Variants in MIPOL1 observed in about 807,000 individuals in gnomAD.
MIPOL1 encodes mirror-image polydactyly gene 1 protein.
In MIPOL1, 57 loss-of-function variants were observed where a neutral mutation model predicts 60.9. That is an observed-to-expected ratio of 0.94 (90% CI 0.76 to 1.17). The LOEUF (loss-of-function observed/expected upper bound fraction) is 1.17, where lower values mean the gene tolerates loss of function less well. MIPOL1 is among the 50% of genes most tolerant of loss of function. The probability of loss-of-function intolerance (pLI) is 0.00; values close to 1 mark genes in which losing one functional copy is unlikely to be tolerated. For missense variants in MIPOL1, 551 were observed against 511.6 expected, an observed-to-expected ratio of 1.08 and a Z score of -0.74; for synonymous variants, 179 against 168.8, an observed-to-expected ratio of 1.06 and a Z score of -0.47.
In MIPOL1 at chr14:37,405,791, T is replaced by C. The variant is rs528415067; in HGVS notation, c.937-17064T>C. On this transcript the variant is annotated intron_variant, in intron 10 of 12. Coordinates refer to ENST00000684589, the MANE Select transcript of MIPOL1 (RefSeq NM_001388067.1). The stretch of plus-strand genomic sequence containing the variant: ...ATGTGTTTCTGCAGTTATAATTCTT[T>C]GCTAGATATGAATTAATGTGTACAT... Among the ~76,000 whole-genome samples the C allele has an allele frequency of 2.0e-5, 3 of 152,076 alleles. No homozygotes were observed. The East Asian group carries it at 5.8e-4, about 29-fold the overall frequency.
chr14:37,513,669 A>G (rs554189785), intron 12 of MIPOL1, among the ~76,000 whole-genome samples: 2 of 152,270 alleles, frequency 1.3e-5, no homozygotes, highest in East Asian at 3.9e-4. Context: ...AATAAGATAG[A>G]TCCTTTTTGT....
At chr14:37,396,445 A>G (rs553944642) in intron 10 of MIPOL1, among the ~76,000 whole-genome samples, 8 of 152,172 alleles carry the variant, frequency 5.3e-5, no homozygotes, top group Middle Eastern at 3.4e-3. Flanking sequence ...CCTGATGACA[A>G]TGCGCCTAGG....
intron 4 of MIPOL1, among the ~76,000 whole-genome samples, chr14:37,267,685 T>C (rs1489335183): frequency 6.6e-6 from 1 of 152,144 alleles, no homozygotes; most frequent in Non-Finnish European, 1.5e-5. Context: ...AAGCACAAAG[T>C]GCATCTGAAG....
chr14:37,521,364 T>A (rs2095412012), intron 12 of MIPOL1, among the ~76,000 whole-genome samples: 1 of 152,232 alleles, frequency 6.6e-6, no homozygotes, highest in African/African-American at 2.4e-5. Context: ...TTATTCTAAT[T>A]TGTTCTCTCT....
At chr14:37,230,257 TA>T (rs1970416748) in intron 1 of MIPOL1, among the ~76,000 whole-genome samples, 2 of 152,234 alleles carry the variant, frequency 1.3e-5, no homozygotes, top group African/African-American at 4.8e-5. Context: ...AAACCTGCTC[TA>T]ACAGGACTAA....
At chr14:37,390,416 CAAG>C (rs1210112310) in intron 10 of MIPOL1, among the ~76,000 whole-genome samples, 1 of 151,722 alleles carries the variant, frequency 6.6e-6, no homozygotes, top group Non-Finnish European at 1.5e-5. Context: ...ACTAGATACA[CAAG>C]AAGATAAGAC....
intron 11 of MIPOL1, among the ~76,000 whole-genome samples, chr14:37,442,629 A>C (rs1259975204): frequency 1.3e-5 from 2 of 151,810 alleles, no homozygotes; most frequent in Non-Finnish European, 2.9e-5. Flanking sequence ...TGTACCCCCG[A>C]ATCTAAAATA....
chr14:37,495,947 T>C (rs1448715987), intron 11 of MIPOL1, among the ~76,000 whole-genome samples: 1 of 147,334 alleles, frequency 6.8e-6, no homozygotes, highest in African/African-American at 2.5e-5. Context: ...TGTCTGTTCA[T>C]GTCCTTCGCC....
rs111790776 is a variant in MIPOL1 at position 37,422,239 on chromosome 14, G to A, written c.937-616G>A. On this transcript the variant is annotated intron_variant, in intron 10 of 12. Transcript: ENST00000684589. The stretch of plus-strand genomic sequence containing the variant: ...AATTATAGCAGGAAGGAACAATAAT[G>A]CCCCTTTAATAAAGTATCACTAGCA... Among the ~76,000 whole-genome samples, 323 of 151,950 alleles carry A rather than the reference G, an allele frequency of 2.1e-3. 1 individual carries two copies. Among genetic ancestry groups the A allele is most frequent in the African/African-American group, 7.3e-3 (301 of 41,496 alleles).
chr14:37,503,184 C>T (rs754387798), intron 12 of MIPOL1: 6 of 152,194 alleles, frequency 3.9e-5, no homozygotes, highest in Non-Finnish European at 8.8e-5. Flanking sequence ...AGTTGGAGAA[C>T]ACTCTTCAGG....
At chr14:37,297,319 C>G (rs183795223) in intron 7 of MIPOL1, among the ~76,000 whole-genome samples, 74 of 152,228 alleles carry the variant, frequency 4.9e-4, no homozygotes, top group African/African-American at 1.6e-3. Context: ...ATAATAAGAG[C>G]TATGTATGAC....
intron 9 of MIPOL1, among the ~76,000 whole-genome samples, chr14:37,366,121 T>C (rs1012484134): frequency 9.2e-5 from 14 of 151,934 alleles, no homozygotes; most frequent in African/African-American, 3.4e-4. Flanking sequence ...GCTTTTGTTA[T>C]ATTGATCTCT....
chr14:37,450,258 T>G (rs2094398371), intron 11 of MIPOL1, among the ~76,000 whole-genome samples: 1 of 152,174 alleles, frequency 6.6e-6, no homozygotes, highest in South Asian at 2.1e-4. Context: ...GCTCTCCAGT[T>G]TGCTGCACAG....
chr14:37,426,572 T>TATATATATAC lies in MIPOL1; in HGVS notation c.1031+3632_1031+3633insCATATATATA, dbSNP rs1555339863. On this transcript the variant is annotated intron_variant, in intron 11 of 12. Coordinates refer to ENST00000684589, the MANE Select transcript of MIPOL1 (RefSeq NM_001388067.1). ...GTGAAACTCTGTCTCAAAATATACA[T>TATATATATAC]ATATATATATATATATATATATACA... Among the ~76,000 whole-genome samples, 3 of 73,836 alleles carry TATATATATAC rather than the reference T, an allele frequency of 4.1e-5. No homozygotes were observed. In the Admixed American group the frequency reaches 4.4e-4, roughly 11 times the overall value. The allele number at this position is 73,836 out of a possible 152,430, so 48.4% of individuals were successfully genotyped here.
chr14:37,551,941 A>G (rs924182440), downstream of MIPOL1: 69 of 151,226 alleles, frequency 4.6e-4, no homozygotes, highest in African/African-American at 1.6e-3. Context: ...AATCTACCAT[A>G]AAGCACCTCT....
intron 9 of MIPOL1, among the ~76,000 whole-genome samples, chr14:37,348,144 C>G (rs1472333940): frequency 2.0e-5 from 3 of 152,140 alleles, no homozygotes; most frequent in Non-Finnish European, 4.4e-5. Flanking sequence ...TAGCCCCCTA[C>G]TGATAAGTGA....
chr14:37,511,657 G>A (rs2095328698), intron 12 of MIPOL1, among the ~76,000 whole-genome samples: 1 of 152,068 alleles, frequency 6.6e-6, no homozygotes, highest in African/African-American at 2.4e-5. Context: ...AGTTCCAAAG[G>A]ACTTTTAAAA....
At chr14:37,384,617 A>G (rs1470653838) in intron 10 of MIPOL1, among the ~76,000 whole-genome samples, 1 of 151,968 alleles carries the variant, frequency 6.6e-6, no homozygotes, top group Non-Finnish European at 1.5e-5. Flanking sequence ...TGAGGGTAGG[A>G]CTAAACCTCT....
intron 1 of MIPOL1, among the ~76,000 whole-genome samples, chr14:37,199,422 T>C (rs534696363): frequency 6.6e-6 from 1 of 152,242 alleles, no homozygotes; most frequent in Non-Finnish European, 1.5e-5. Context: ...TAGCAGTTTG[T>C]TATTCTCATG....
Sources: gnomAD v4.1 joint callset for allele counts (sites outside exome capture counted in the v4.1 genomes callset) on GRCh38, gnomAD v4.1.1 for gene constraint, MANE v1.5 for transcripts, NCBI Gene and HGNC (gene_info 2026-07-23, HGNC 2026-07-21) for gene names.